Variants in PLCE1 observed in about 807,000 individuals in gnomAD.
The protein encoded by PLCE1 is phospholipase C epsilon 1.
In PLCE1, 119 loss-of-function variants were observed where a neutral mutation model predicts 242.8. The ratio of observed to expected loss-of-function variants is 0.49; its 90% confidence interval spans 0.42 to 0.57. The LOEUF is 0.57. PLCE1 is among the 20% of genes least tolerant of loss of function. The pLI is 0.00. For missense variants in PLCE1, 2,441 were observed against 2,788.8 expected, an observed-to-expected ratio of 0.88 and a Z score of 2.81; for synonymous variants, 945 against 1,017.4, an observed-to-expected ratio of 0.93 and a Z score of 1.35.
At position 94,331,807 on chromosome 10, in the gene PLCE1, AG is replaced by A. The variant is rs2054160164; in HGVS notation, c.*3866del. The A allele has an allele frequency of 6.6e-6, 1 of 151,904 alleles. No individual in the cohort carries two copies. Among genetic ancestry groups the A allele is most frequent in the Non-Finnish European group, 1.5e-5 (1 of 67,966 alleles). The allele number at this position is 151,904 out of a possible 1,614,324, so 9.4% of individuals were successfully genotyped here. On this transcript the variant is annotated 3_prime_UTR_variant, in exon 33 of 33. Coordinates refer to ENST00000371380, the MANE Select transcript of PLCE1 (RefSeq NM_016341.4). Reference sequence around the variant, plus strand: ...GGCTGATGGCTATGGATTCTGACATAGGAATACCTGAAATGAGTCCCTTTGA... The same window carrying A: ...GGCTGATGGCTATGGATTCTGACATAGAATACCTGAAATGAGTCCCTTTGA...
intron 8 of PLCE1, among the ~76,000 whole-genome samples, chr10:94,248,479 A>G (rs1175390774): frequency 6.6e-6 from 1 of 152,086 alleles, no homozygotes; most frequent in East Asian, 1.9e-4. Context: ...AATCCCAGCT[A>G]CTCATGAGGC....
chr10:94,180,084 G>C (rs1858606), intron 4 of PLCE1, among the ~76,000 whole-genome samples: 18,706 of 143,736 alleles, frequency 0.13, 2,468 homozygotes, highest in African/African-American at 0.34. Flanking sequence ...GGTTTCAGAG[G>C]TGACAGTTGA....
At chr10:94,101,800 G>C (rs540856147) in intron 2 of PLCE1, among the ~76,000 whole-genome samples, 9 of 152,206 alleles carry the variant, frequency 5.9e-5, no homozygotes, top group Admixed American at 1.3e-4. Flanking sequence ...GGCGCTGAAG[G>C]GGTCTGGCCC....
In PLCE1 at chr10:94,114,319, G is replaced by C. The variant is rs555402149; in HGVS notation, c.1207-17855G>C. 2.3e-3 allele frequency among the ~76,000 whole-genome samples: 345 copies of C among 152,304 alleles called. 1 individual carries two copies. The highest frequency in any genetic ancestry group is 6.8e-3 in the Middle Eastern group (2 of 294). The stretch of plus-strand genomic sequence containing the variant: ...TTTTCTTTTCCTTCTCAGTGAGACA[G>C]ATGAGTATAGACAGTAATTGTGCAG... On this transcript the variant is annotated intron_variant, in intron 2 of 32. Transcript: ENST00000371380.
At chr10:94,274,394 C>T (rs894031434) in intron 19 of PLCE1, among the ~76,000 whole-genome samples, 3 of 152,190 alleles carry the variant, frequency 2.0e-5, no homozygotes, top group Admixed American at 6.6e-5. Context: ...CTCAGGCTGG[C>T]TCAAAGAGTA....
At chr10:94,005,253 G>A (rs1020804918) in intron 1 of PLCE1, among the ~76,000 whole-genome samples, 5 of 152,196 alleles carry the variant, frequency 3.3e-5, no homozygotes, top group African/African-American at 1.2e-4. Context: ...TCAGTGGGAA[G>A]ACTCAGCAAA....
chr10:94,005,016 G>C (rs763968522), intron 1 of PLCE1, among the ~76,000 whole-genome samples: 2 of 152,236 alleles, frequency 1.3e-5, no homozygotes, highest in Admixed American at 6.5e-5. Context: ...AAGGGGCTTA[G>C]TTAAAACTCT....
At chr10:94,314,375 G>A (rs113663852) in intron 28 of PLCE1, among the ~76,000 whole-genome samples, 51 of 152,226 alleles carry the variant, frequency 3.4e-4, no homozygotes, top group Non-Finnish European at 4.6e-4. Context: ...CGAGGCAGGC[G>A]GATCACGAGG....
chr10:94,210,112 G>A (rs757782231), intron 4 of PLCE1, among the ~76,000 whole-genome samples: 10 of 151,392 alleles, frequency 6.6e-5, no homozygotes, highest in South Asian at 4.2e-4. Flanking sequence ...CTTTGGTTTC[G>A]TTTGGTGTTT....
At chr10:94,307,573 C>G (rs1449017972) in intron 26 of PLCE1, among the ~76,000 whole-genome samples, 1 of 152,196 alleles carries the variant, frequency 6.6e-6, no homozygotes, top group African/African-American at 2.4e-5. Context: ...CCTCGCAGTT[C>G]TGAAGGCTGG....
intron 2 of PLCE1, among the ~76,000 whole-genome samples, chr10:94,116,669 T>TGGGCGAAAGAGTG (rs2046140105): frequency 6.6e-6 from 1 of 152,150 alleles, no homozygotes; most frequent in Non-Finnish European, 1.5e-5. Flanking sequence ...CACTCCAGTC[T>TGGGCGAAAGAGTG]GGGCGAAAGA....
chr10:94,122,403 T>G (rs778920263), intron 2 of PLCE1, among the ~76,000 whole-genome samples: 9 of 152,192 alleles, frequency 5.9e-5, no homozygotes, highest in Non-Finnish European at 1.0e-4. Flanking sequence ...GCAGCCAGGT[T>G]TTCTCATTAT....
In PLCE1 at chr10:94,304,485, T is replaced by C. The variant is rs1375813217; in HGVS notation, c.5462T>C (p.Leu1821Pro). The change falls in exon 25 of 33, where the codon CTC becomes CCC. Residue 1821 changes from leucine to proline, a missense_variant. Leu to Pro is a moderately conservative substitution (Grantham distance 98). Around this residue, in one of 5 missense-constraint regions of PLCE1, gnomAD observed 1,004 missense variants for 1,322.7 expected, o/e 0.76. Coordinates refer to ENST00000371380, the MANE Select transcript of PLCE1 (RefSeq NM_016341.4). ...TTCTTTGTTGTTTGTTTTACAGATC[T>C]CCCTTTACATTTAAATGCTGCAATG... is the stretch of plus-strand genomic sequence containing the variant. ...LVALNYQTDD[L>P]PLHLNAAMFE... The C allele has an allele frequency of 6.2e-7, 1 of 1,613,796 alleles. No homozygotes were observed. The highest frequency in any genetic ancestry group is 8.5e-7 in the Non-Finnish European group (1 of 1,179,786).
intron 3 of PLCE1, among the ~76,000 whole-genome samples, chr10:94,147,877 G>A (rs1212027002): frequency 6.6e-6 from 1 of 152,138 alleles, no homozygotes; most frequent in Non-Finnish European, 1.5e-5. Flanking sequence ...TTCTAGCTAG[G>A]GATGAAAACA....
At chr10:94,013,973 G>C (rs1490015741) in intron 1 of PLCE1, among the ~76,000 whole-genome samples, 1 of 152,082 alleles carries the variant, frequency 6.6e-6, no homozygotes, top group Non-Finnish European at 1.5e-5. Context: ...TTATGTTAGG[G>C]ACTGGACATT....
intron 2 of PLCE1, among the ~76,000 whole-genome samples, chr10:94,041,541 T>A (rs1016582600): frequency 1.3e-5 from 2 of 152,140 alleles, no homozygotes; most frequent in African/African-American, 4.8e-5. Context: ...AGTTTCTGGA[T>A]CCTTTTTGCT....
At chr10:94,183,774 G>A (rs2048383700) in intron 4 of PLCE1, among the ~76,000 whole-genome samples, 1 of 152,140 alleles carries the variant, frequency 6.6e-6, no homozygotes, top group Non-Finnish European at 1.5e-5. Context: ...GGCGGGAGGT[G>A]AAACAGGAGG....
chr10:94,003,775 C>T (rs761965437), intron 1 of PLCE1, among the ~76,000 whole-genome samples: 1 of 151,732 alleles, frequency 6.6e-6, no homozygotes, highest in Admixed American at 6.6e-5. Context: ...GGCTTGTGCT[C>T]TTGTAAGAAG....
chr10:94,283,442 C>T (rs1203002846), intron 20 of PLCE1: 1 of 302,392 alleles, frequency 3.3e-6, no homozygotes, highest in Non-Finnish European at 6.4e-6. Flanking sequence ...CTGTCAGCTT[C>T]TTGACACGGG....
Sources: gnomAD v4.1 joint callset for allele counts (sites outside exome capture counted in the v4.1 genomes callset) on GRCh38, gnomAD v4.1.1 for gene constraint, gnomAD v4.1.1 regional missense constraint, MANE v1.5 for transcripts, NCBI Gene and HGNC (gene_info 2026-07-23, HGNC 2026-07-21) for gene names.